The following DCAF6 variants were observed in gnomAD, a reference collection of about 807,000 sequenced individuals.
DCAF6 encodes the protein DDB1- and CUL4-associated factor 6.
Under a neutral mutation model 125.1 loss-of-function variants are expected in DCAF6, and 54 were observed. That is an observed-to-expected ratio of 0.43 (90% confidence interval 0.35 to 0.54). DCAF6 has a LOEUF of 0.54. Ranked by LOEUF, DCAF6 falls within the 20% of genes least tolerant of loss-of-function variation. The pLI is 0.01. For synonymous variants in DCAF6, 371 were observed against 390.4 expected (o/e 0.95, Z 0.58); for missense variants, 934 against 1,161.7 (o/e 0.80, Z 2.85).
intron 21 of DCAF6, among the ~76,000 whole-genome samples, chr1:168,069,277 C>T (rs999509656): frequency 1.3e-5 from 2 of 152,170 alleles, no homozygotes; most frequent in African/African-American, 2.4e-5. Context: ...ATTTCACTTA[C>T]AGGAATATAT....
At chr1:167,942,008 C>G (rs1194024251) in intron 1 of DCAF6, among the ~76,000 whole-genome samples, 5 of 152,180 alleles carry the variant, frequency 3.3e-5, no homozygotes, top group African/African-American at 7.2e-5. Flanking sequence ...AGTGAGTCTT[C>G]CTAATTGTAG....
intron 9 of DCAF6, among the ~76,000 whole-genome samples, chr1:168,004,200 T>C (rs1683027083): frequency 6.6e-6 from 1 of 152,184 alleles, no homozygotes; most frequent in South Asian, 2.1e-4. Context: ...TATCTTTTGC[T>C]TTTCTCAAAG....
upstream of DCAF6, among the ~76,000 whole-genome samples, chr1:167,933,049 T>G (rs1670956313): frequency 6.6e-6 from 1 of 151,874 alleles, no homozygotes; most frequent in African/African-American, 2.4e-5. Flanking sequence ...CAGTGGCAGA[T>G]CATGACATGC....
chr1:167,963,904 G>A (rs1159872147), intron 2 of DCAF6, among the ~76,000 whole-genome samples: 1 of 152,178 alleles, frequency 6.6e-6, no homozygotes, highest in African/African-American at 2.4e-5. Context: ...TTCACAGGGA[G>A]TGTGAGTACA....
At chr1:167,909,977 C>A in the DCAF6 span, among the ~76,000 whole-genome samples, 6 of 152,256 alleles carry the variant, frequency 3.9e-5, no homozygotes, top group Admixed American at 2.6e-4. Flanking sequence ...CCCATTCTAA[C>A]CACATGTGCT....
chr1:167,945,798 C>CT (rs1386674262), intron 1 of DCAF6, among the ~76,000 whole-genome samples: 1 of 149,070 alleles, frequency 6.7e-6, no homozygotes, highest in African/African-American at 2.5e-5. Context: ...CCACACCCGG[C>CT]CTTTTTTTTT....
At chr1:168,042,016 T>A (rs1454555924) in intron 13 of DCAF6, among the ~76,000 whole-genome samples, 1 of 151,856 alleles carries the variant, frequency 6.6e-6, no homozygotes, top group Non-Finnish European at 1.5e-5. Context: ...GACATTTTTC[T>A]CTGCATATAT....
the DCAF6 span, among the ~76,000 whole-genome samples, chr1:167,921,243 T>G: frequency 5.3e-5 from 8 of 151,838 alleles, no homozygotes; most frequent in Admixed American, 5.2e-4. Flanking sequence ...TTTTTTTTTT[T>G]AGACAGTCTC....
At chr1:168,009,347 CT>C (rs1388428578) in intron 10 of DCAF6, among the ~76,000 whole-genome samples, 44 of 26,488 alleles carry the variant, frequency 1.7e-3, no homozygotes, top group East Asian at 5.0e-3. Flanking sequence ...TCCTTCCTCC[CT>C]TCCTTCCTTC....
intron 4 of DCAF6, among the ~76,000 whole-genome samples, chr1:167,985,184 CGTGTGTGTGT>C (rs33966059): frequency 3.5e-4 from 52 of 147,042 alleles, no homozygotes; most frequent in African/African-American, 1.2e-3. Context: ...CAAACCACGT[CGTGTGTGTGT>C]GTGTGTGTGT....
chr1:167,870,098 G>A, the DCAF6 span, among the ~76,000 whole-genome samples: 3 of 152,212 alleles, frequency 2.0e-5, no homozygotes, highest in African/African-American at 7.2e-5. Context: ...TTAGCTCTAT[G>A]TGTTTATTGT....
Position 167,936,698 on chromosome 1 carries a change from T to A in DCAF6, c.-214T>A. The A allele has an allele frequency of 1.8e-6, 1 of 558,964 alleles. No homozygotes were observed. The highest frequency in any genetic ancestry group is 3.2e-6 in the Non-Finnish European group (1 of 313,998). The allele number at this position is 558,964 out of a possible 1,614,324, so 34.6% of individuals were successfully genotyped here. ...GCTGATCTTTGGATGTTCTGGTTAG[T>A]CTAAGAAGGAGAGTATGAGGCGAGC... is the stretch of plus-strand genomic sequence containing the variant. On this transcript the variant is annotated 5_prime_UTR_variant, in exon 1 of 22. Coordinates refer to ENST00000367840, the MANE Select transcript of DCAF6 (RefSeq NM_001198956.2).
chr1:167,921,230 ATT>A, the DCAF6 span, among the ~76,000 whole-genome samples: 1 of 143,910 alleles, frequency 6.9e-6, no homozygotes. Flanking sequence ...TGGTTAGATC[ATT>A]TTTTTTTTTT....
intron 2 of DCAF6, among the ~76,000 whole-genome samples, chr1:167,952,909 C>G (rs562918438): frequency 6.6e-6 from 1 of 152,260 alleles, no homozygotes; most frequent in East Asian, 1.9e-4. Context: ...GTGACCTAGA[C>G]TTAGTAATTA....
Position 168,028,634 on chromosome 1 carries a change from A to G in DCAF6, c.1609+5587A>G, listed in dbSNP as rs573045291. On this transcript the variant is annotated intron_variant, in intron 12 of 21. Transcript: ENST00000367840. ...TTTGATGTTTGTGAAACATTCATCT[A>G]TAGGAGACTAGTGGATAATCAAAAA... is the stretch of plus-strand genomic sequence containing the variant. 1.3e-3 allele frequency among the ~76,000 whole-genome samples: 205 copies of G among 152,334 alleles called. 2 individuals are homozygous for G. In the South Asian group the frequency reaches 0.023, roughly 17 times the overall value.
intron 3 of DCAF6, among the ~76,000 whole-genome samples, chr1:167,971,979 C>T (rs1677390241): frequency 6.6e-6 from 1 of 152,070 alleles, no homozygotes; most frequent in South Asian, 2.1e-4. Flanking sequence ...CCTTAGCCTC[C>T]CGAGTAGCTG....
intron 12 of DCAF6, among the ~76,000 whole-genome samples, chr1:168,030,330 A>C (rs1333559517): frequency 6.6e-6 from 1 of 152,230 alleles, no homozygotes; most frequent in Non-Finnish European, 1.5e-5. Flanking sequence ...TGAATAGCAT[A>C]TTGCAGAGCC....
At position 168,038,970 on chromosome 1, in the gene DCAF6, T is replaced by C. The variant is rs886936918; in HGVS notation, c.1727+482T>C. On this transcript the variant is annotated intron_variant, in intron 13 of 21. Transcript: ENST00000367840. Reference sequence around the variant, plus strand: ...TTTATAATAAATATTCCCATGTTACTACTTAGTTTTAATAAATATTATTTT... The same window carrying C: ...TTTATAATAAATATTCCCATGTTACCACTTAGTTTTAATAAATATTATTTT... 5.3e-5 allele frequency among the ~76,000 whole-genome samples: 8 copies of C among 152,090 alleles called. 1 individual carries two copies. Among genetic ancestry groups the C allele is most frequent in the Admixed American group, 3.9e-4 (6 of 15,256 alleles).
In DCAF6 at chr1:168,075,609, A is replaced by C. The variant is rs1253243637; in HGVS notation, c.*174A>C. 1 of 555,760 alleles carries C rather than the reference A, an allele frequency of 1.8e-6. No homozygotes were observed. Among genetic ancestry groups the C allele is most frequent in the African/African-American group, 2.0e-5 (1 of 50,838 alleles). The allele number at this position is 555,760 out of a possible 1,614,324, so 34.4% of individuals were successfully genotyped here. ...ATGATTGTGTGCATGAATTTGGGAG[A>C]TTGTATAAAACAAAACTAGCAGAAT... On this transcript the variant is annotated 3_prime_UTR_variant, in exon 22 of 22. Transcript: ENST00000367840.
Sources: allele counts gnomAD v4.1 joint callset (sites outside exome capture counted in the v4.1 genomes callset), GRCh38; gene constraint gnomAD v4.1.1; transcripts MANE v1.5; gene names NCBI Gene and HGNC (gene_info 2026-07-23, HGNC 2026-07-21).